The following PTGR1 variants were observed in gnomAD, a reference collection of about 807,000 sequenced individuals.
The protein encoded by PTGR1 is 15-oxoprostaglandin 13-reductase.
In PTGR1, 23 loss-of-function variants were observed where a neutral mutation model predicts 37.7. That is an observed-to-expected ratio of 0.61 (90% confidence interval 0.44 to 0.86). The LOEUF is 0.86. Among genes scored for constraint, PTGR1 ranks in the 40% least tolerant of loss-of-function variants. The probability of loss-of-function intolerance (pLI) is 0.00; values close to 1 mark genes in which losing one functional copy is unlikely to be tolerated. For missense variants in PTGR1, 351 were observed against 394.3 expected, an observed-to-expected ratio of 0.89 and a Z score of 0.93; for synonymous variants, 134 against 140.0, an observed-to-expected ratio of 0.96 and a Z score of 0.30.
At chr9:111,577,611 G>A (rs376519653) in intron 7 of PTGR1, 45 of 152,390 alleles carry the variant, frequency 3.0e-4, no homozygotes, top group African/African-American at 7.2e-4. Context: ...TTGGGAGGCC[G>A]AGTTGGGAGG....
chr9:111,594,118 G>C, intron 3 of PTGR1, 104 bp downstream of exon 3: 1 of 1,202,926 alleles, frequency 8.3e-7, no homozygotes, highest in Non-Finnish European at 1.2e-6. Flanking sequence ...GAAACAGAAG[G>C]AAAGTGACAA....
intron 1 of PTGR1, among the ~76,000 whole-genome samples, chr9:111,598,411 C>T (rs1478668951): frequency 6.6e-6 from 1 of 152,220 alleles, no homozygotes; most frequent in Non-Finnish European, 1.5e-5. Context: ...ACACGGTGAC[C>T]TGGAGGGAGC....
At chr9:111,562,496 G>C (rs1435393020), downstream of PTGR1, 1 of 151,610 alleles carries the variant, frequency 6.6e-6, no homozygotes, top group Non-Finnish European at 1.5e-5. Flanking sequence ...GGCTGGTCTT[G>C]CACTGCTGAC....
intron 9 of PTGR1, among the ~76,000 whole-genome samples, chr9:111,567,761 C>T (rs963117240): frequency 6.6e-6 from 1 of 152,080 alleles, no homozygotes; most frequent in African/African-American, 2.4e-5. Context: ...TGGGAATTGT[C>T]TATAGGGATG....
At chr9:111,550,928 G>A (rs1036206713) in intron 9 of PTGR1, among the ~76,000 whole-genome samples, 3 of 152,000 alleles carry the variant, frequency 2.0e-5, no homozygotes, top group Admixed American at 6.5e-5. Context: ...CCTGTTTTCT[G>A]TCTCTCACAC....
At chr9:111,579,377 T>A (rs1306110863) in intron 6 of PTGR1, among the ~76,000 whole-genome samples, 1 of 151,970 alleles carries the variant, frequency 6.6e-6, no homozygotes, top group Non-Finnish European at 1.5e-5. Context: ...AACTGCCCCC[T>A]TATCCTTTTT....
chr9:111,551,740 C>CT (rs1827963552), intron 9 of PTGR1, among the ~76,000 whole-genome samples: 2 of 152,282 alleles, frequency 1.3e-5, no homozygotes, highest in African/African-American at 4.8e-5. Context: ...ATTAACAAAA[C>CT]TTTTATTAGA....
At chr9:111,580,351 C>T (rs150758681) in intron 6 of PTGR1, among the ~76,000 whole-genome samples, 7 of 152,204 alleles carry the variant, frequency 4.6e-5, no homozygotes, top group Non-Finnish European at 8.8e-5. Context: ...AGAATGATAC[C>T]ACTCAGTTAT....
At chr9:111,586,801 C>A (rs141713343) in intron 4 of PTGR1, among the ~76,000 whole-genome samples, 3,633 of 146,856 alleles carry the variant, frequency 0.025, 60 homozygotes, top group East Asian at 0.041. Context: ...CTCTCTCTCT[C>A]TCTATATATA....
At chr9:111,565,054 G>C (rs1358839079) in intron 9 of PTGR1, among the ~76,000 whole-genome samples, 2 of 152,120 alleles carry the variant, frequency 1.3e-5, no homozygotes, top group Non-Finnish European at 2.9e-5. Flanking sequence ...AACCCGGCAG[G>C]CGGAGGTTGC....
intron 4 of PTGR1, among the ~76,000 whole-genome samples, chr9:111,587,676 T>C (rs1829480082): frequency 6.6e-6 from 1 of 152,106 alleles, no homozygotes; most frequent in Non-Finnish European, 1.5e-5. Flanking sequence ...GGTCTTGATC[T>C]CTTGACCTCG....
At chr9:111,553,431 T>G (rs1439619367) in intron 9 of PTGR1, among the ~76,000 whole-genome samples, 1 of 152,226 alleles carries the variant, frequency 6.6e-6, no homozygotes, top group Non-Finnish European at 1.5e-5. Context: ...CATTTTAGGA[T>G]TCTGATTTAC....
intron 9 of PTGR1, among the ~76,000 whole-genome samples, chr9:111,565,652 T>C (rs1198664384): frequency 2.6e-5 from 4 of 152,034 alleles, no homozygotes; most frequent in East Asian, 1.9e-4. Flanking sequence ...GCCTCCCGAG[T>C]AGCTGGGACT....
intron 9 of PTGR1, chr9:111,564,277 TTTATTATTATTATTA>T (rs3031175): frequency 0.013 from 6,192 of 486,326 alleles, 359 homozygotes; most frequent in African/African-American, 0.13. Context: ...AATTTAAACT[TTTATTATTATTATTA>T]TTATTATTAT....
chr9:111,596,562 C>T (rs1421636957), intron 2 of PTGR1, among the ~76,000 whole-genome samples: 1 of 151,148 alleles, frequency 6.6e-6, no homozygotes, highest in Admixed American at 6.6e-5. Flanking sequence ...ACCAGCCTGG[C>T]CAACACAGTG....
intron 5 of PTGR1, among the ~76,000 whole-genome samples, chr9:111,584,442 G>A (rs992748747): frequency 1.3e-5 from 2 of 152,222 alleles, no homozygotes; most frequent in Non-Finnish European, 2.9e-5. Context: ...ATGTAAGAAG[G>A]TATTAAGCAT....
intron 9 of PTGR1, among the ~76,000 whole-genome samples, chr9:111,554,311 C>T (rs1026975977): frequency 6.6e-6 from 1 of 152,166 alleles, no homozygotes; most frequent in Non-Finnish European, 1.5e-5. Flanking sequence ...TCTTAGAAGT[C>T]ACTTCTACTC....
At chr9:111,577,070 G>A (rs1186529558) in intron 7 of PTGR1, 5 of 150,466 alleles carry the variant, frequency 3.3e-5, no homozygotes, top group African/African-American at 7.4e-5. Context: ...CAGCCTGGAT[G>A]ACAGAGCAAA....
chr9:111,553,298 T>C (rs1828025615), intron 9 of PTGR1, among the ~76,000 whole-genome samples: 1 of 152,222 alleles, frequency 6.6e-6, no homozygotes, highest in Non-Finnish European at 1.5e-5. Flanking sequence ...ACTATGCCAG[T>C]TGTAGTACCA....
Sources: allele counts gnomAD v4.1 joint callset (sites outside exome capture counted in the v4.1 genomes callset), GRCh38; gene constraint gnomAD v4.1.1; transcripts MANE v1.5; gene names NCBI Gene and HGNC (gene_info 2026-07-23, HGNC 2026-07-21).